Variants in STAU2 observed in about 807,000 individuals in gnomAD.
STAU2 encodes staufen double-stranded RNA binding protein 2, also known as double-stranded RNA-binding protein Staufen homolog 2.
STAU2 carries 20 observed loss-of-function variants against 65.9 expected under a neutral mutation model. The ratio of observed to expected loss-of-function variants is 0.30; its 90% CI spans 0.21 to 0.44. The LOEUF (loss-of-function observed/expected upper bound fraction) is 0.44. Among genes scored for constraint, STAU2 ranks in the 20% least tolerant of loss-of-function variants. The pLI is 1.00. For synonymous variants in STAU2, 232 were observed against 233.9 expected, an observed-to-expected ratio of 0.99 and a Z score of 0.07; for missense variants, 558 against 683.9, an observed-to-expected ratio of 0.82 and a Z score of 2.05.
chr8:73,573,897 G>C (rs185930528), intron 12 of STAU2, among the ~76,000 whole-genome samples: 4 of 152,260 alleles, frequency 2.6e-5, no homozygotes, highest in African/African-American at 9.6e-5. Flanking sequence ...AGCCAAAATT[G>C]ACAAATGGGA....
intron 3 of STAU2, among the ~76,000 whole-genome samples, chr8:73,723,138 ACAC>A (rs1040589939): frequency 6.6e-5 from 10 of 152,182 alleles, no homozygotes; most frequent in Middle Eastern, 3.4e-3. Flanking sequence ...ACACACACAC[ACAC>A]AACAGACTAA....
chr8:73,445,967 T>A (rs1410933742), intron 13 of STAU2, among the ~76,000 whole-genome samples: 3 of 152,194 alleles, frequency 2.0e-5, no homozygotes, highest in African/African-American at 7.2e-5. Context: ...CTAGCTATCA[T>A]ACTCCTGGGC....
At chr8:73,546,729 GA>G (rs1219868217) in intron 13 of STAU2, among the ~76,000 whole-genome samples, 4 of 151,334 alleles carry the variant, frequency 2.6e-5, no homozygotes, top group South Asian at 2.1e-4. Context: ...CATTTGTGGG[GA>G]AAAAAAAATC....
chr8:73,544,228 C>G (rs546094158), intron 13 of STAU2, among the ~76,000 whole-genome samples: 1 of 152,292 alleles, frequency 6.6e-6, no homozygotes, highest in African/African-American at 2.4e-5. Context: ...TACCCTAGAT[C>G]CACTCCTCCA....
chr8:73,747,278 G>T, upstream of STAU2: 1 of 1,324,852 alleles, frequency 7.5e-7, no homozygotes, highest in South Asian at 1.3e-5. Flanking sequence ...GCCAAGGGTG[G>T]GCCTGGGGCA....
intron 13 of STAU2, among the ~76,000 whole-genome samples, chr8:73,489,269 T>G (rs1282047316): frequency 2.0e-5 from 3 of 151,952 alleles, no homozygotes; most frequent in Non-Finnish European, 2.9e-5. Context: ...ATTAATTGCA[T>G]TACTGAAAAG....
chr8:73,574,745 T>G lies in STAU2; in HGVS notation c.1222+8025A>C, dbSNP rs923518899. Among the ~76,000 whole-genome samples the G allele has an allele frequency of 2.6e-5, 4 of 152,080 alleles. No homozygotes were observed. In the South Asian group the frequency reaches 8.3e-4, roughly 32 times the overall value. On this transcript the variant is annotated intron_variant, in intron 12 of 14. Coordinates refer to ENST00000524300, the MANE Select transcript of STAU2 (RefSeq NM_001164380.2). Reference sequence around the variant, plus strand: ...ACACAGGGTGAGGAACATCACACACTGGGGCCTGTCATGGGGTAGGGGGCT... The same window carrying G: ...ACACAGGGTGAGGAACATCACACACGGGGGCCTGTCATGGGGTAGGGGGCT...
chr8:73,527,731 A>G (rs756385869), intron 13 of STAU2: 5 of 1,536,762 alleles, frequency 3.3e-6, no homozygotes, highest in South Asian at 2.4e-5. Flanking sequence ...AATAGCATGG[A>G]AAGTCATCTG....
intron 13 of STAU2, among the ~76,000 whole-genome samples, chr8:73,445,215 C>T (rs895941816): frequency 1.3e-5 from 2 of 152,086 alleles, no homozygotes; most frequent in Non-Finnish European, 2.9e-5. Context: ...AGGAACAGCC[C>T]CCACATGAAT....
intron 12 of STAU2, chr8:73,561,320 T>G: frequency 3.1e-6 from 1 of 318,126 alleles, no homozygotes; most frequent in South Asian, 2.7e-5. Context: ...GAAATTTTTT[T>G]CAAGGCTCAG....
At chr8:73,581,244 A>C (rs1219310994) in intron 12 of STAU2, among the ~76,000 whole-genome samples, 1 of 152,224 alleles carries the variant, frequency 6.6e-6, no homozygotes, top group Admixed American at 6.6e-5. Flanking sequence ...AAAATTGTCA[A>C]GTTAATAACT....
intron 13 of STAU2, among the ~76,000 whole-genome samples, chr8:73,471,557 G>T (rs1215360828): frequency 1.3e-5 from 2 of 148,440 alleles, no homozygotes. Context: ...GGTGGCTCAC[G>T]CCTGTAATCC....
chr8:73,440,334 G>C (rs1203387663), intron 13 of STAU2: 3 of 152,174 alleles, frequency 2.0e-5, no homozygotes, highest in African/African-American at 7.2e-5. Flanking sequence ...TAAGTGCCTA[G>C]TGGATTTCTC....
intron 6 of STAU2, among the ~76,000 whole-genome samples, chr8:73,628,552 A>G (rs1247278785): frequency 6.6e-6 from 1 of 152,192 alleles, no homozygotes; most frequent in African/African-American, 2.4e-5. Flanking sequence ...CTGAGAATGC[A>G]CTTTGAAAAC....
In STAU2 at chr8:73,720,729, G is replaced by T. The variant is rs1460798463; in HGVS notation, c.-17-11567C>A. ...GGGTTTCACCTTGTTAACCAGGATG[G>T]TCTCGATCTCCTGACCTCATGATCC... On this transcript the variant is annotated intron_variant, in intron 3 of 14. Coordinates refer to ENST00000524300, the MANE Select transcript of STAU2 (RefSeq NM_001164380.2). Among the ~76,000 whole-genome samples the T allele has an allele frequency of 2.2e-4, 18 of 81,472 alleles. 3 individuals carry two copies. The highest frequency in any genetic ancestry group is 1.0e-3 in the African/African-American group (18 of 17,566). The allele number at this position is 81,472 out of a possible 152,430, so 53.4% of individuals were successfully genotyped here.
chr8:73,605,537 G>A (rs1244668035), intron 9 of STAU2, among the ~76,000 whole-genome samples: 2 of 151,806 alleles, frequency 1.3e-5, no homozygotes, highest in African/African-American at 4.8e-5. Context: ...TCAAACTCGT[G>A]ACCTCAAGTG....
chr8:73,648,277 T>C (rs1815545321), intron 6 of STAU2, among the ~76,000 whole-genome samples: 1 of 152,202 alleles, frequency 6.6e-6, no homozygotes, highest in Non-Finnish European at 1.5e-5. Context: ...AAAAATACGT[T>C]CTGAAGTGAG....
chr8:73,445,253 C>T (rs1806661229), intron 13 of STAU2, among the ~76,000 whole-genome samples: 1 of 152,192 alleles, frequency 6.6e-6, no homozygotes, highest in Non-Finnish European at 1.5e-5. Flanking sequence ...GAAGGGGTTT[C>T]TGCAGGGTTG....
At chr8:73,599,837 G>A (rs1046783122) in intron 10 of STAU2, among the ~76,000 whole-genome samples, 6 of 151,716 alleles carry the variant, frequency 4.0e-5, no homozygotes, top group Admixed American at 1.3e-4. Context: ...GCGCAAACTC[G>A]GCTCACTGCA....
Sources: gnomAD v4.1 joint callset for allele counts (sites outside exome capture counted in the v4.1 genomes callset) on GRCh38, gnomAD v4.1.1 for gene constraint, MANE v1.5 for transcripts, NCBI Gene and HGNC (gene_info 2026-07-23, HGNC 2026-07-21) for gene names.